Variants in HS6ST3 observed in about 807,000 individuals in gnomAD.
HS6ST3 encodes heparan-sulfate 6-O-sulfotransferase 3.
A neutral mutation model predicts 36.7 loss-of-function variants in HS6ST3; 12 were observed. The observed-to-expected ratio is 0.33, with a 90% CI of 0.21 to 0.53. HS6ST3 has a LOEUF of 0.53. HS6ST3 is among the 20% of genes least tolerant of loss of function. The pLI, the probability that HS6ST3 is intolerant of heterozygous loss-of-function variation, is 0.95. For missense variants in HS6ST3, 584 were observed against 640.9 expected, an observed-to-expected ratio of 0.91 and a Z score of 0.96; for synonymous variants, 240 against 257.5, an observed-to-expected ratio of 0.93 and a Z score of 0.65.
In HS6ST3 at chr13:96,675,989, A is replaced by G. The variant is rs72643888; in HGVS notation, c.708-156501A>G. ...GCCACCCTATAGGGTCAGTCAGCCT[A>G]GAGATGAGTTCCCCTCAGGTCACTT... is the stretch of plus-strand genomic sequence containing the variant. On this transcript the variant is annotated intron_variant, in intron 1 of 1. Coordinates refer to ENST00000376705, the MANE Select transcript of HS6ST3 (RefSeq NM_153456.4). 4.1e-3 allele frequency among the ~76,000 whole-genome samples: 626 copies of G among 152,192 alleles called. 6 individuals carry two copies. Among genetic ancestry groups the G allele is most frequent in the Admixed American group, 7.1e-3 (109 of 15,274 alleles).
At chr13:96,632,557 T>G (rs906242788) in intron 1 of HS6ST3, among the ~76,000 whole-genome samples, 2 of 152,144 alleles carry the variant, frequency 1.3e-5, no homozygotes, top group Non-Finnish European at 2.9e-5. Context: ...GCAGAGAAGT[T>G]CCAAAGCAGC....
At chr13:96,785,194 T>G (rs1476220052) in intron 1 of HS6ST3, among the ~76,000 whole-genome samples, 2 of 152,086 alleles carry the variant, frequency 1.3e-5, no homozygotes, top group Non-Finnish European at 2.9e-5. Flanking sequence ...CTCTTTTGAA[T>G]TTTGATGATG....
intron 1 of HS6ST3, among the ~76,000 whole-genome samples, chr13:96,395,366 A>T (rs1236974378): frequency 2.0e-5 from 3 of 152,192 alleles, no homozygotes; most frequent in Admixed American, 6.5e-5. Flanking sequence ...TCTAGTCTTA[A>T]TTCTAAGTAG....
chr13:96,290,530 A>G (rs1156995345), intron 1 of HS6ST3, among the ~76,000 whole-genome samples: 1 of 152,096 alleles, frequency 6.6e-6, no homozygotes, highest in Non-Finnish European at 1.5e-5. Context: ...CATGCCTCTG[A>G]GGGTTCCTGC....
intron 1 of HS6ST3, among the ~76,000 whole-genome samples, chr13:96,592,141 A>G (rs1306515999): frequency 6.6e-6 from 1 of 152,154 alleles, no homozygotes; most frequent in African/African-American, 2.4e-5. Flanking sequence ...TTCATCAAGG[A>G]TAATGGCCTA....
At chr13:96,330,688 T>C (rs1484166912) in intron 1 of HS6ST3, among the ~76,000 whole-genome samples, 2 of 148,174 alleles carry the variant, frequency 1.3e-5, no homozygotes, top group Non-Finnish European at 3.0e-5. Context: ...GAGGAGTATC[T>C]TTGTGGCGTT....
At chr13:96,255,389 C>T (rs1283047663) in intron 1 of HS6ST3, among the ~76,000 whole-genome samples, 1 of 152,160 alleles carries the variant, frequency 6.6e-6, no homozygotes, top group African/African-American at 2.4e-5. Context: ...TATCAAATTT[C>T]TAATTATAGT....
Position 96,500,413 on chromosome 13 carries a change from G to A in HS6ST3, c.708-332077G>A, listed in dbSNP as rs137962458. 1.8e-4 allele frequency among the ~76,000 whole-genome samples: 28 copies of A among 152,210 alleles called. 1 individual carries two copies. In the East Asian group the frequency reaches 5.0e-3, roughly 27 times the overall value. On this transcript the variant is annotated intron_variant, in intron 1 of 1. Transcript: ENST00000376705. ...AACATTCATGTACAAGTTTTTATAT[G>A]GATATATTTTAATTTTTCTTGGGTA...
chr13:96,831,379 T>A (rs1315266517), intron 1 of HS6ST3, among the ~76,000 whole-genome samples: 1 of 152,204 alleles, frequency 6.6e-6, no homozygotes, highest in Non-Finnish European at 1.5e-5. Flanking sequence ...CAGGAAAGCA[T>A]GGGAGCTTTG....
chr13:96,777,763 G>C (rs1009578263), intron 1 of HS6ST3, among the ~76,000 whole-genome samples: 1 of 152,092 alleles, frequency 6.6e-6, no homozygotes, highest in East Asian at 1.9e-4. Context: ...GTAGTTTATA[G>C]ATTCAATGCT....
chr13:96,736,888 G>A (rs1876299003), intron 1 of HS6ST3, among the ~76,000 whole-genome samples: 1 of 152,214 alleles, frequency 6.6e-6, no homozygotes, highest in Non-Finnish European at 1.5e-5. Context: ...AACCCAAACT[G>A]TAATACATTC....
chr13:96,367,917 A>G (rs1423931443), intron 1 of HS6ST3, among the ~76,000 whole-genome samples: 2 of 152,166 alleles, frequency 1.3e-5, no homozygotes, highest in East Asian at 3.9e-4. Flanking sequence ...TTCTTTCAAC[A>G]AGTTTCTTTT....
At chr13:96,092,370 C>A (rs985769048) in intron 1 of HS6ST3, among the ~76,000 whole-genome samples, 1 of 152,168 alleles carries the variant, frequency 6.6e-6, no homozygotes, top group African/African-American at 2.4e-5. Context: ...GATCCCCTGC[C>A]TCCCAGCCTT....
intron 1 of HS6ST3, among the ~76,000 whole-genome samples, chr13:96,510,816 C>T (rs183888065): frequency 5.9e-5 from 9 of 152,286 alleles, no homozygotes; most frequent in African/African-American, 2.2e-4. Context: ...ATGTATATCT[C>T]ATGCATTTGA....
rs753218443 is a variant in HS6ST3 at position 96,211,668 on chromosome 13, C to CA, written c.707+120106dup. Among the ~76,000 whole-genome samples the CA allele has an allele frequency of 1.1e-3, 161 of 151,814 alleles. 1 individual carries two copies. The highest frequency in any genetic ancestry group is 3.7e-3 in the African/African-American group (155 of 41,382). The stretch of plus-strand genomic sequence containing the variant: ...ATCTTCATTTTCTTCTCTTCTAGGA[C>CA]AAAAAAAGACAATAAAGAGGATGCT... On this transcript the variant is annotated intron_variant, in intron 1 of 1. Transcript: ENST00000376705.
intron 1 of HS6ST3, among the ~76,000 whole-genome samples, chr13:96,768,909 A>G (rs951421788): frequency 1.3e-5 from 2 of 152,128 alleles, no homozygotes; most frequent in Admixed American, 6.5e-5. Context: ...TTTGTAAACA[A>G]AGATTCCTGG....
intron 1 of HS6ST3, among the ~76,000 whole-genome samples, chr13:96,799,991 T>A (rs1482572988): frequency 8.2e-6 from 1 of 122,470 alleles, no homozygotes; most frequent in Admixed American, 8.2e-5. Context: ...TGTATATATA[T>A]ATATATGTAT....
At chr13:96,324,686 T>C (rs1434712598) in intron 1 of HS6ST3, among the ~76,000 whole-genome samples, 1 of 152,004 alleles carries the variant, frequency 6.6e-6, no homozygotes. Flanking sequence ...TTTATGAAAA[T>C]GGAACATTTG....
chr13:96,270,745 G>C (rs1248592168), intron 1 of HS6ST3, among the ~76,000 whole-genome samples: 6 of 152,006 alleles, frequency 3.9e-5, no homozygotes, highest in South Asian at 2.1e-4. Context: ...AGGCAGACTG[G>C]AGACTGGGAA....
Sources: gnomAD v4.1 joint callset for allele counts (sites outside exome capture counted in the v4.1 genomes callset) on GRCh38, gnomAD v4.1.1 for gene constraint, MANE v1.5 for transcripts, NCBI Gene and HGNC (gene_info 2026-07-23, HGNC 2026-07-21) for gene names.